Variants in BCL2L13 observed in about 807,000 individuals in gnomAD.
BCL2L13 encodes the protein bcl-2-like protein 13.
In BCL2L13, 13 loss-of-function variants were observed where a neutral mutation model predicts 25.8. The ratio of observed to expected loss-of-function variants is 0.50; its 90% confidence interval spans 0.33 to 0.80. The LOEUF is 0.80. Ranked by LOEUF, BCL2L13 falls within the 30% of genes least tolerant of loss-of-function variation. The probability of loss-of-function intolerance (pLI) is 0.02; values close to 1 mark genes in which losing one functional copy is unlikely to be tolerated. For synonymous variants in BCL2L13, 244 were observed against 230.3 expected, an observed-to-expected ratio of 1.06 and a Z score of -0.54; for missense variants, 504 against 574.9, an observed-to-expected ratio of 0.88 and a Z score of 1.26.
At chr22:17,663,833 C>T (rs2059150852) in intron 2 of BCL2L13, among the ~76,000 whole-genome samples, 1 of 146,136 alleles carries the variant, frequency 6.8e-6, no homozygotes, top group African/African-American at 2.6e-5. Flanking sequence ...ATTACAGATG[C>T]TTGCCACCAC....
intron 3 of BCL2L13, among the ~76,000 whole-genome samples, chr22:17,685,708 TCTTGTGCAAG>T (rs2059906781): frequency 6.6e-6 from 1 of 151,550 alleles, no homozygotes; most frequent in Non-Finnish European, 1.5e-5. Flanking sequence ...CTGTGAATAT[TCTTGTGCAAG>T]TTTTTGTGTG....
chr22:17,697,832 T>G (rs2060309738), intron 5 of BCL2L13, among the ~76,000 whole-genome samples: 1 of 152,146 alleles, frequency 6.6e-6, no homozygotes, highest in Non-Finnish European at 1.5e-5. Context: ...CTTATTTTAT[T>G]TATTTATTTA....
intron 2 of BCL2L13, among the ~76,000 whole-genome samples, chr22:17,674,766 A>G (rs962305750): frequency 6.6e-6 from 1 of 152,118 alleles, no homozygotes; most frequent in African/African-American, 2.4e-5. Context: ...TGGGACTGTA[A>G]CATGCTACTG....
upstream of BCL2L13, chr22:17,638,330 A>T (rs144437840): frequency 1.5e-3 from 287 of 193,700 alleles, 1 homozygote; most frequent in African/African-American, 6.2e-3. Context: ...TTCCTTCCCA[A>T]CCTTCAAGGA....
intron 2 of BCL2L13, among the ~76,000 whole-genome samples, chr22:17,666,200 A>ATTTGTAT (rs1555881714): frequency 8.0e-5 from 12 of 150,278 alleles, no homozygotes; most frequent in Non-Finnish European, 1.8e-4. Context: ...TTTTAAATGT[A>ATTTGTAT]TTTTTATTTT....
intron 2 of BCL2L13, among the ~76,000 whole-genome samples, chr22:17,669,312 G>A (rs887195698): frequency 2.0e-4 from 30 of 152,172 alleles, no homozygotes; most frequent in African/African-American, 7.2e-4. Flanking sequence ...GATTACAGGC[G>A]TGAGCCACCG....
chr22:17,723,479 C>G (rs1356315247), intron 6 of BCL2L13, among the ~76,000 whole-genome samples: 1 of 152,150 alleles, frequency 6.6e-6, no homozygotes, highest in African/African-American at 2.4e-5. Flanking sequence ...TTTTCACTTC[C>G]TTATTGTCCC....
At chr22:17,664,567 CTG>C (rs1287255252) in intron 2 of BCL2L13, among the ~76,000 whole-genome samples, 1 of 152,224 alleles carries the variant, frequency 6.6e-6, no homozygotes, top group Non-Finnish European at 1.5e-5. Flanking sequence ...AGTGGGGACT[CTG>C]TGTGTGGGTT....
intron 6 of BCL2L13, among the ~76,000 whole-genome samples, chr22:17,721,784 C>T (rs1487692334): frequency 6.6e-6 from 1 of 152,148 alleles, no homozygotes; most frequent in Admixed American, 6.5e-5. Flanking sequence ...CCTTAGCCTC[C>T]CAAAGTGCTG....
chr22:17,642,002 T>G (rs1052280569), intron 1 of BCL2L13, among the ~76,000 whole-genome samples: 1 of 151,826 alleles, frequency 6.6e-6, no homozygotes, highest in Admixed American at 6.6e-5. Flanking sequence ...GGTTTCACTG[T>G]GTTAGCCAGG....
At chr22:17,714,445 C>T (rs1281449171) in intron 6 of BCL2L13, among the ~76,000 whole-genome samples, 2 of 151,840 alleles carry the variant, frequency 1.3e-5, no homozygotes, top group African/African-American at 4.8e-5. Flanking sequence ...GAGTGAGACT[C>T]CATCTCAAAA....
At chr22:17,694,059 A>G (rs1257925120) in intron 4 of BCL2L13, among the ~76,000 whole-genome samples, 2 of 152,228 alleles carry the variant, frequency 1.3e-5, no homozygotes, top group Non-Finnish European at 2.9e-5. Context: ...CACCCAGCCC[A>G]TTCTTTCTTA....
At chr22:17,646,804 C>G (rs765911021) in intron 1 of BCL2L13, among the ~76,000 whole-genome samples, 4 of 141,800 alleles carry the variant, frequency 2.8e-5, no homozygotes, top group Non-Finnish European at 3.0e-5. Flanking sequence ...ACTGCAGCCT[C>G]TGCCTCCCAG....
chr22:17,655,692 G>A lies in BCL2L13; in HGVS notation c.-20G>A, dbSNP rs2058832015. 1.2e-6 allele frequency: 2 copies of A among 1,602,100 alleles called. No individual in the cohort carries two copies. Among genetic ancestry groups the A allele is most frequent in the Non-Finnish European group, 1.7e-6 (2 of 1,175,760 alleles). On this transcript the variant is annotated 5_prime_UTR_variant, in exon 2 of 7. Transcript: ENST00000317582. ...ACACATCCATAAGTAGACCTTTTTGGAGCCTCACCAGCCAATTCAATGGCG... is the reference window on the plus strand; with the variant it reads ...ACACATCCATAAGTAGACCTTTTTGAAGCCTCACCAGCCAATTCAATGGCG...
At position 17,730,814 on chromosome 22, in the gene BCL2L13, GAAT is replaced by G. The variant is rs2061384951; in HGVS notation, c.*3284_*3286del. 4 of 151,938 alleles carry G rather than the reference GAAT, an allele frequency of 2.6e-5. No individual in the cohort carries two copies. In the South Asian group the frequency reaches 8.3e-4, roughly 32 times the overall value. 9.4% of individuals were successfully genotyped at this position (151,938 alleles called of 1,614,324 possible). ...CATCTCAGCGACATACTGGATACCAGAATAATGTTTCCTCTTCTCTGGTGCACC... is the reference window on the plus strand; with the variant it reads ...CATCTCAGCGACATACTGGATACCAGAATGTTTCCTCTTCTCTGGTGCACC... On this transcript the variant is annotated 3_prime_UTR_variant, in exon 7 of 7. Transcript: ENST00000317582.
At chr22:17,720,412 A>G (rs891724387) in intron 6 of BCL2L13, among the ~76,000 whole-genome samples, 1 of 152,030 alleles carries the variant, frequency 6.6e-6, no homozygotes, top group Non-Finnish European at 1.5e-5. Context: ...GCCGGAGTGC[A>G]CTGGCGCGAT....
chr22:17,645,257 T>TC, intron 1 of BCL2L13, among the ~76,000 whole-genome samples: 1 of 133,722 alleles, frequency 7.5e-6, no homozygotes, highest in Non-Finnish European at 1.6e-5. Context: ...GGAGGCAGAG[T>TC]CTCACTCTGT....
At chr22:17,715,341 C>T (rs1479509451) in intron 6 of BCL2L13, among the ~76,000 whole-genome samples, 1 of 149,392 alleles carries the variant, frequency 6.7e-6, no homozygotes. Context: ...GCAACCACTC[C>T]CGGCCAATTT....
chr22:17,708,915 C>T (rs1225549949), intron 6 of BCL2L13, among the ~76,000 whole-genome samples: 1 of 152,104 alleles, frequency 6.6e-6, no homozygotes, highest in African/African-American at 2.4e-5. Flanking sequence ...TTAGTGAAAG[C>T]CTGCTCTTCA....
Sources: allele counts gnomAD v4.1 joint callset (sites outside exome capture counted in the v4.1 genomes callset), GRCh38; gene constraint gnomAD v4.1.1; transcripts MANE v1.5; gene names NCBI Gene and HGNC (gene_info 2026-07-23, HGNC 2026-07-21).